AMBRA1: variants seen among roughly 807,000 people sequenced by gnomAD.
AMBRA1 encodes the protein autophagy and beclin 1 regulator 1.
A neutral mutation model predicts 125.4 loss-of-function variants in AMBRA1; 47 were observed. That is an observed-to-expected ratio of 0.37 (90% CI 0.30 to 0.48). The LOEUF is 0.48. AMBRA1 is among the 20% of genes least tolerant of loss of function. The pLI, the probability that AMBRA1 is intolerant of heterozygous loss-of-function variation, is 0.99. For synonymous variants in AMBRA1, 626 were observed against 655.5 expected (o/e 0.95, Z 0.69); for missense variants, 1,331 against 1,693.4 (o/e 0.79, Z 3.76).
intron 11 of AMBRA1, among the ~76,000 whole-genome samples, chr11:46,479,135 T>C (rs1404733665): frequency 2.0e-5 from 3 of 151,788 alleles, no homozygotes; most frequent in African/African-American, 7.3e-5. Context: ...GAGGCAGAGG[T>C]TGCAGTGAGC....
intron 8 of AMBRA1, among the ~76,000 whole-genome samples, chr11:46,512,091 A>C (rs1162589155): frequency 6.6e-6 from 1 of 152,200 alleles, no homozygotes; most frequent in African/African-American, 2.4e-5. Flanking sequence ...CCTGACCTCA[A>C]GTGATTTGCC....
chr11:46,430,250 A>G (rs1279484663), intron 14 of AMBRA1, among the ~76,000 whole-genome samples: 1 of 152,212 alleles, frequency 6.6e-6, no homozygotes, highest in Non-Finnish European at 1.5e-5. Context: ...TGAGTTTGGT[A>G]GGAAACAGAA....
intron 14 of AMBRA1, among the ~76,000 whole-genome samples, chr11:46,425,493 T>A (rs186487455): frequency 1.3e-5 from 2 of 152,288 alleles, no homozygotes; most frequent in East Asian, 1.9e-4. Context: ...GAACCTCTCA[T>A]CATGTCTCAG....
chr11:46,460,489 T>C (rs1416488832), intron 11 of AMBRA1, among the ~76,000 whole-genome samples: 1 of 151,788 alleles, frequency 6.6e-6, no homozygotes, highest in Non-Finnish European at 1.5e-5. Flanking sequence ...GCCCGGCTAA[T>C]TTTTTTTGTA....
intron 7 of AMBRA1, among the ~76,000 whole-genome samples, chr11:46,535,988 A>C (rs972051045): frequency 6.6e-6 from 1 of 152,200 alleles, no homozygotes; most frequent in African/African-American, 2.4e-5. Flanking sequence ...AAGTTTTGGA[A>C]GGTGTGACTT....
intron 12 of AMBRA1, among the ~76,000 whole-genome samples, chr11:46,441,446 C>T (rs889734696): frequency 4.0e-5 from 6 of 151,270 alleles, no homozygotes; most frequent in Non-Finnish European, 7.4e-5. Flanking sequence ...CCTGGGGGTG[C>T]GGAGATTGCA....
chr11:46,543,087 A>G lies in AMBRA1; in HGVS notation c.930T>C (p.Leu310=). The change falls in exon 7 of 18, where the codon CTT becomes CTC. Residue 310 remains leucine (L), a synonymous_variant. Coordinates refer to ENST00000683756, the MANE Select transcript of AMBRA1 (RefSeq NM_001387011.1). ...CTCGAGTGCCAGAGCAGCGGCTGCA[A>G]AGGCACAGGATCCCAAGGTGCTGGC... The part of the protein sequence containing the change: ...ECCQHLGILC[L]CSRCSGTRVP... The G allele has an allele frequency of 6.3e-7, 1 of 1,591,458 alleles. No individual in the cohort carries two copies. The highest frequency in any genetic ancestry group is 8.5e-7 in the Non-Finnish European group (1 of 1,175,898).
At chr11:46,452,893 GTGTC>G (rs1350796694) in intron 11 of AMBRA1, among the ~76,000 whole-genome samples, 38 of 152,252 alleles carry the variant, frequency 2.5e-4, no homozygotes, top group East Asian at 1.5e-3. Context: ...ATATATATGT[GTGTC>G]TGTCTGTTTA....
At chr11:46,419,909 C>T (rs1305663007) in intron 14 of AMBRA1, among the ~76,000 whole-genome samples, 1 of 151,672 alleles carries the variant, frequency 6.6e-6, no homozygotes, top group Non-Finnish European at 1.5e-5. Flanking sequence ...TCTGAGAACA[C>T]ATGTTCATGT....
chr11:46,423,475 TC>T lies in AMBRA1; in HGVS notation c.2977-5424del, dbSNP rs529808872. ...GGTGCGATCTTGGTTCACTGCAAGCTCCACCTCCTGGGTTCATGCCATTCTC... is the reference window on the plus strand; with the variant it reads ...GGTGCGATCTTGGTTCACTGCAAGCTCACCTCCTGGGTTCATGCCATTCTC... On this transcript the variant is annotated intron_variant, in intron 14 of 17. Coordinates refer to ENST00000683756, the MANE Select transcript of AMBRA1 (RefSeq NM_001387011.1). Among the ~76,000 whole-genome samples, 247 of 152,202 alleles carry T rather than the reference TC, an allele frequency of 1.6e-3. 1 individual carries two copies. Among genetic ancestry groups the T allele is most frequent in the African/African-American group, 5.1e-3 (214 of 41,554 alleles).
chr11:46,531,738 C>T (rs999503918), intron 7 of AMBRA1, among the ~76,000 whole-genome samples: 4 of 150,594 alleles, frequency 2.7e-5, no homozygotes, highest in African/African-American at 9.8e-5. Context: ...AATGATATCC[C>T]TCCTTCACTC....
intron 14 of AMBRA1, among the ~76,000 whole-genome samples, chr11:46,425,864 G>A (rs761194863): frequency 2.8e-5 from 4 of 145,376 alleles, no homozygotes; most frequent in Non-Finnish European, 6.1e-5. Flanking sequence ...AGAAAACAGC[G>A]GGCTGGGCGT....
At position 46,542,979 on chromosome 11, in the gene AMBRA1, G is replaced by A. The variant is rs543705689; in HGVS notation, c.1038C>T (p.Thr346=). The A allele has an allele frequency of 5.6e-6, 9 of 1,602,912 alleles. No homozygotes were observed. The Admixed American group carries it at 1.0e-4, about 18-fold the overall frequency. ...CCTGCTCCGGGGGATGGAAGGGCTC[G>A]GTCTGTACAAAAGAAAAGGAAGGGG... The part of the protein sequence containing the change: ...ATTPSFSFVQ[T]EPFHPPEQAS... Residue 346 remains threonine, a synonymous_variant, in exon 7 of 18, where the codon ACC becomes ACT. Transcript: ENST00000683756. This position sits in a 1 kb window ranked among gnomAD's most constrained non-coding sequence, Gnocchi z 5.9.
chr11:46,515,200 G>A (rs540164343), intron 7 of AMBRA1, among the ~76,000 whole-genome samples: 6 of 152,280 alleles, frequency 3.9e-5, no homozygotes, highest in Non-Finnish European at 8.8e-5. Flanking sequence ...TTGGCTGGGC[G>A]TGGTGCCTCA....
chr11:46,489,379 C>G (rs575364974), intron 11 of AMBRA1, among the ~76,000 whole-genome samples: 7 of 152,274 alleles, frequency 4.6e-5, no homozygotes, highest in African/African-American at 1.7e-4. Flanking sequence ...CTCCTGACCT[C>G]ATGATCCACC....
chr11:46,561,703 A>C (rs765257675), intron 1 of AMBRA1, among the ~76,000 whole-genome samples: 45 of 152,116 alleles, frequency 3.0e-4, no homozygotes, highest in Non-Finnish European at 5.9e-5. Flanking sequence ...GGAAAGAAAA[A>C]ATTTCCCTCG....
rs768475083 is a variant in AMBRA1 at position 46,492,486 on chromosome 11, G to A, written c.2521+1122C>T. On this transcript the variant is annotated intron_variant, in intron 11 of 17. Transcript: ENST00000683756. ...ATGTCATTTTAAAACTTTTAATAAA[G>A]ATGCTTATTAAAGATACCTCTAAAT... Among the ~76,000 whole-genome samples the A allele has an allele frequency of 1.9e-4, 29 of 152,280 alleles. No homozygotes were observed. In the Middle Eastern group the frequency reaches 0.014, roughly 71 times the overall value.
At chr11:46,511,371 G>A (rs1951250974) in intron 8 of AMBRA1, among the ~76,000 whole-genome samples, 1 of 152,160 alleles carries the variant, frequency 6.6e-6, no homozygotes. Context: ...CCTTAAGTTT[G>A]TCATTTCTAG....
chr11:46,486,238 G>C (rs1449364967), intron 11 of AMBRA1, among the ~76,000 whole-genome samples: 1 of 152,192 alleles, frequency 6.6e-6, no homozygotes, highest in East Asian at 1.9e-4. Flanking sequence ...CTGGGTACCA[G>C]ATGGGTACAC....
Sources: gnomAD v4.1 joint callset for allele counts (sites outside exome capture counted in the v4.1 genomes callset) on GRCh38, gnomAD v4.1.1 for gene constraint, Gnocchi (gnomAD v3.1) non-coding constraint, MANE v1.5 for transcripts, NCBI Gene and HGNC (gene_info 2026-07-23, HGNC 2026-07-21) for gene names.